The following DOT1L variants were observed in gnomAD, a reference collection of about 807,000 sequenced individuals.
The protein encoded by DOT1L is histone-lysine N-methyltransferase, H3 lysine-79 specific.
A neutral mutation model predicts 153.3 loss-of-function variants in DOT1L; 33 were observed. The ratio of observed to expected loss-of-function variants is 0.22; its 90% CI spans 0.16 to 0.29. The LOEUF (loss-of-function observed/expected upper bound fraction) is 0.29, where lower values mean the gene tolerates loss of function less well. Among genes scored for constraint, DOT1L ranks in the 10% least tolerant of loss-of-function variants. DOT1L has a pLI of 1.00. For missense variants in DOT1L, 1,847 were observed against 2,119.9 expected, an observed-to-expected ratio of 0.87 and a Z score of 2.53; for synonymous variants, 1,135 against 965.1, an observed-to-expected ratio of 1.18 and a Z score of -3.26.
rs772707121 is a variant in DOT1L at position 2,199,908 on chromosome 19, G to C, written c.676G>C (p.Glu226Gln). Residue 226 changes from glutamate (E) to glutamine (Q), a missense_variant, in exon 8 of 28, where the codon GAA becomes CAA. Physicochemically the swap from Glu to Gln is conservative, Grantham distance 29 (BLOSUM62 2). Around this residue, in one of 8 missense-constraint regions of DOT1L, gnomAD observed 148 missense variants for 422.3 expected, o/e 0.35. Coordinates refer to ENST00000398665, the MANE Select transcript of DOT1L (RefSeq NM_032482.3). ...GTTGGAGAGAGGCGATTTCCTCTCA[G>C]AAGAGTGGAGGGAGCGAATCGCCAA... ...YTLERGDFLS[E>Q]EWRERIANTS... 1 of 1,614,062 alleles carries C rather than the reference G, an allele frequency of 6.2e-7. No homozygotes were observed. Among genetic ancestry groups the C allele is most frequent in the Non-Finnish European group, 8.5e-7 (1 of 1,179,922 alleles).
intron 3 of DOT1L, among the ~76,000 whole-genome samples, chr19:2,186,213 G>A (rs1386071299): frequency 6.6e-6 from 1 of 152,256 alleles, no homozygotes; most frequent in Non-Finnish European, 1.5e-5. Context: ...TTTTTATAGC[G>A]GGCGGCTGAC....
chr19:2,214,043 G>A (rs2023813287), intron 18 of DOT1L, 57 bp downstream of exon 18: 3 of 1,573,052 alleles, frequency 1.9e-6, no homozygotes, highest in African/African-American at 1.4e-5. Context: ...TGCCTGGGCG[G>A]GTGTGTCCTC....
Position 2,213,541 on chromosome 19 carries a change from G to A in DOT1L, c.1560G>A (p.Glu520=), listed in dbSNP as rs2144849217. Residue 520 remains glutamate (E), a splice_region_variant and synonymous_variant, in exon 17 of 28, where the codon GAG becomes GAA. Transcript: ENST00000398665. ...SLQELLGQEK[E]KNAQLLGAAQ... ...CACCTGCCCTGTTTGTCCTACAGGA[G>A]AAGAACGCCCAGCTCCTGGGTGCGG... is the stretch of plus-strand genomic sequence containing the variant. 1 of 1,612,606 alleles carries A rather than the reference G, an allele frequency of 6.2e-7. No homozygotes were observed. The highest frequency in any genetic ancestry group is 1.3e-5 in the African/African-American group (1 of 75,042).
rs941498474 is a variant in DOT1L at position 2,190,442 on chromosome 19, G to T, written c.265-570G>T. Among the ~76,000 whole-genome samples, 1 of 152,064 alleles carries T rather than the reference G, an allele frequency of 6.6e-6. No individual in the cohort carries two copies. The highest frequency in any genetic ancestry group is 1.5e-5 in the Non-Finnish European group (1 of 67,980). On this transcript the variant is annotated intron_variant, in intron 4 of 27. Transcript: ENST00000398665. The surrounding 1 kb of genome is among the most constrained non-coding windows in gnomAD (Gnocchi z 4.8). ...GCCCTCCTGAGTGGGACTGGGCTGG[G>T]CTGGGCTGCCCCATCAGCCTGCCAC...
At chr19:2,167,734 C>CTTT (rs66826356) in intron 1 of DOT1L, among the ~76,000 whole-genome samples, 15 of 134,706 alleles carry the variant, frequency 1.1e-4, no homozygotes, top group East Asian at 8.7e-4. Context: ...CTTTTCTTTT[C>CTTT]TTTTTTTTTT....
chr19:2,205,517 A>C (rs1248862939), intron 9 of DOT1L, among the ~76,000 whole-genome samples: 4 of 152,194 alleles, frequency 2.6e-5, no homozygotes, highest in African/African-American at 9.7e-5. Context: ...GAAGGTGTCC[A>C]TCCGGTCTGT....
At chr19:2,216,790 G>T (rs746182656) in intron 20 of DOT1L, 25 bp downstream of exon 20, 4 of 1,571,882 alleles carry the variant, frequency 2.5e-6, no homozygotes, top group Admixed American at 3.4e-5. Context: ...GGGGCTGGGG[G>T]TCTGCAGCTG....
intron 8 of DOT1L, among the ~76,000 whole-genome samples, chr19:2,200,283 C>T (rs905379370): frequency 2.2e-4 from 33 of 152,106 alleles, no homozygotes; most frequent in Admixed American, 7.9e-4. Context: ...TTCCTGTCTC[C>T]ATCCATCCCT....
At chr19:2,177,365 C>T (rs764464634) in intron 1 of DOT1L, among the ~76,000 whole-genome samples, 7 of 152,018 alleles carry the variant, frequency 4.6e-5, no homozygotes, top group Non-Finnish European at 7.4e-5. Flanking sequence ...GCCGCGATCT[C>T]GGCTCACTGT....
chr19:2,182,842 G>A (rs1198525139), intron 2 of DOT1L, among the ~76,000 whole-genome samples: 1 of 152,166 alleles, frequency 6.6e-6, no homozygotes, highest in African/African-American at 2.4e-5. Flanking sequence ...TGCAGGGCTC[G>A]GAGCTGACTG....
rs879075368 is a variant in DOT1L at position 2,194,614 on chromosome 19, GC to G, written c.651+41del. ...CGCTCCGCCCCGGCTCCCATCGCCG[GC>G]CCCACCCCCGCTCCCACCCTCCTGT... On this transcript the variant is annotated intron_variant, in intron 7 of 27. Coordinates refer to ENST00000398665, the MANE Select transcript of DOT1L (RefSeq NM_032482.3). 3.1e-6 allele frequency: 5 copies of G among 1,601,696 alleles called. No homozygotes were observed. In the South Asian group the frequency reaches 4.4e-5, roughly 14 times the overall value.
At position 2,231,019 on chromosome 19, in the gene DOT1L, T is replaced by C; in HGVS notation, c.*1227T>C. ...CCAGGGTGACGTCGGCCCCCCACTCTGCAGCCTTGGCGGGTGCCTGGGACT... is the reference window on the plus strand; with the variant it reads ...CCAGGGTGACGTCGGCCCCCCACTCCGCAGCCTTGGCGGGTGCCTGGGACT... On this transcript the variant is annotated 3_prime_UTR_variant, in exon 28 of 28. Coordinates refer to ENST00000398665, the MANE Select transcript of DOT1L (RefSeq NM_032482.3). 4.2e-6 allele frequency: 1 copy of C among 237,168 alleles called. No individual in the cohort carries two copies. The highest frequency in any genetic ancestry group is 6.0e-5 in the East Asian group (1 of 16,590). 14.7% of individuals were successfully genotyped at this position (237,168 alleles called of 1,614,324 possible).
chr19:2,187,884 C>G (rs182290674), intron 3 of DOT1L, among the ~76,000 whole-genome samples: 1 of 149,250 alleles, frequency 6.7e-6, no homozygotes. Flanking sequence ...ATCGCGCCAC[C>G]GCACTCCAGC....
In DOT1L at chr19:2,199,919, G is replaced by A. The variant is rs1316911157; in HGVS notation, c.687G>A (p.Arg229=). The A allele has an allele frequency of 3.1e-6, 5 of 1,614,018 alleles. No homozygotes were observed. The highest frequency in any genetic ancestry group is 4.2e-6 in the Non-Finnish European group (5 of 1,179,892). Residue 229 remains arginine, a synonymous_variant, in exon 8 of 28, where the codon AGG becomes AGA. Transcript: ENST00000398665. ...GCGATTTCCTCTCAGAAGAGTGGAG[G>A]GAGCGAATCGCCAACACGAGGTATG... ...ERGDFLSEEW[R]ERIANTSVIF...
At chr19:2,218,617 T>C (rs917288371) in intron 22 of DOT1L, among the ~76,000 whole-genome samples, 11 of 152,012 alleles carry the variant, frequency 7.2e-5, no homozygotes, top group East Asian at 1.9e-4. Context: ...ATGGTCTTGA[T>C]CTCCTGACCT....
At chr19:2,196,333 T>C (rs1277861658) in intron 7 of DOT1L, among the ~76,000 whole-genome samples, 1 of 151,984 alleles carries the variant, frequency 6.6e-6, no homozygotes, top group Non-Finnish European at 1.5e-5. Flanking sequence ...TTCGGACACA[T>C]TTTTTTTGTG....
rs1005913079 is a variant in DOT1L at position 2,229,595 on chromosome 19, C to T, written c.4607-190C>T. On this transcript the variant is annotated intron_variant, in intron 27 of 27. Coordinates refer to ENST00000398665, the MANE Select transcript of DOT1L (RefSeq NM_032482.3). ...GGCCGGCGTGTCCAGGTGTCAGGCT[C>T]CCTGGTCTGTCACGGGGCACGCCCG... 20 of 985,336 alleles carry T rather than the reference C, an allele frequency of 2.0e-5. No individual in the cohort carries two copies. The African/African-American group carries it at 2.8e-4, about 14-fold the overall frequency. 61.0% of individuals were successfully genotyped at this position (985,336 alleles called of 1,614,324 possible). A position where few individuals can be genotyped will look rare whatever the true frequency, so the allele number is the denominator to read the frequency against.
chr19:2,165,363 C>A (rs565432844), intron 1 of DOT1L, among the ~76,000 whole-genome samples: 1 of 152,114 alleles, frequency 6.6e-6, no homozygotes, highest in African/African-American at 2.4e-5. Flanking sequence ...CTGGGGAGCC[C>A]GGGCTGGCTC....
chr19:2,228,537 A>G (rs2024466268), intron 27 of DOT1L: 3 of 985,022 alleles, frequency 3.0e-6, no homozygotes, highest in Non-Finnish European at 3.6e-6. Context: ...TCGCGAGAGG[A>G]GGGACTACAG....
Sources: allele counts gnomAD v4.1 joint callset (sites outside exome capture counted in the v4.1 genomes callset), GRCh38; gene constraint gnomAD v4.1.1; regional missense constraint gnomAD v4.1.1; non-coding constraint Gnocchi (gnomAD v3.1); transcripts MANE v1.5; gene names NCBI Gene and HGNC (gene_info 2026-07-23, HGNC 2026-07-21).